Variants in VSTM2B observed in about 807,000 individuals in gnomAD.
VSTM2B encodes the protein V-set and transmembrane domain containing 2B.
Under a neutral mutation model 24.0 loss-of-function variants are expected in VSTM2B, and 24 were observed. The observed-to-expected ratio is 1.00, with a 90% CI of 0.72 to 1.40. The LOEUF is 1.40. Among genes scored for constraint, VSTM2B ranks in the 40% most tolerant of loss-of-function variants. The pLI, the probability that VSTM2B is intolerant of heterozygous loss-of-function variation, is 0.00. For synonymous variants in VSTM2B, 226 were observed against 194.4 expected (o/e 1.16, Z -1.35); for missense variants, 399 against 416.4 (o/e 0.96, Z 0.36).
intron 4 of VSTM2B, among the ~76,000 whole-genome samples, chr19:29,547,332 C>G (rs1354414271): frequency 6.6e-6 from 1 of 152,192 alleles, no homozygotes; most frequent in Non-Finnish European, 1.5e-5. Context: ...GTTTCCCCAA[C>G]TATAAAATAG....
At chr19:29,530,319 C>G (rs1006123919) in intron 4 of VSTM2B, 29 bp downstream of exon 4, 45 of 1,474,124 alleles carry the variant, frequency 3.1e-5, no homozygotes, top group Non-Finnish European at 3.4e-5. Context: ...GGGGCGCACG[C>G]GCGGGGATGG....
intron 2 of VSTM2B, among the ~76,000 whole-genome samples, chr19:29,528,184 C>A (rs1304008485): frequency 6.6e-6 from 1 of 152,160 alleles, no homozygotes; most frequent in Non-Finnish European, 1.5e-5. Context: ...ATCCAGTCTC[C>A]CCAGTTCAGC....
At position 29,530,106 on chromosome 19, in the gene VSTM2B, C is replaced by G; in HGVS notation, c.585C>G (p.Pro195=). ...AGAASRTTSE[P]GRGDKSPPPG... ...CCGCGAGCCGTACCACCTCCGAGCCCGGCCGCGGCGACAAGAGCCCGCCGC... is the reference window on the plus strand; with the variant it reads ...CCGCGAGCCGTACCACCTCCGAGCCGGGCCGCGGCGACAAGAGCCCGCCGC... The change falls in exon 4 of 5, where the codon CCC becomes CCG. Residue 195 remains proline, a synonymous_variant. Transcript: ENST00000335523. 2.8e-6 allele frequency: 4 copies of G among 1,447,878 alleles called. No individual in the cohort carries two copies. The highest frequency in any genetic ancestry group is 3.6e-6 in the Non-Finnish European group (4 of 1,109,352). The allele number at this position is 1,447,878 out of a possible 1,614,324, so 89.7% of individuals were successfully genotyped here. A position where few individuals can be genotyped will look rare whatever the true frequency, so the allele number is the denominator to read the frequency against.
intron 4 of VSTM2B, among the ~76,000 whole-genome samples, chr19:29,549,617 A>G (rs12973002): frequency 6.7e-6 from 1 of 149,464 alleles, no homozygotes; most frequent in African/African-American, 2.5e-5. Flanking sequence ...CCCCAATGCT[A>G]CCCCAGTAGA....
At chr19:29,557,927 G>A (rs1047060943) in intron 4 of VSTM2B, among the ~76,000 whole-genome samples, 1 of 151,998 alleles carries the variant, frequency 6.6e-6, no homozygotes, top group African/African-American at 2.4e-5. Flanking sequence ...TATAGAATGG[G>A]AGAAAATTTT....
chr19:29,559,463 G>T (rs938507787), intron 4 of VSTM2B, among the ~76,000 whole-genome samples: 2 of 152,158 alleles, frequency 1.3e-5, no homozygotes, highest in Non-Finnish European at 2.9e-5. Context: ...CCTATTGGGG[G>T]TTGAAAGGCT....
chr19:29,542,340 T>C (rs80181962), intron 4 of VSTM2B, among the ~76,000 whole-genome samples: 1,767 of 150,378 alleles, frequency 0.012, 31 homozygotes, highest in African/African-American at 0.041. Context: ...GGTGGATGGA[T>C]GGGAGAACGA....
intron 4 of VSTM2B, among the ~76,000 whole-genome samples, chr19:29,559,798 G>A (rs1970487893): frequency 6.6e-6 from 1 of 152,120 alleles, no homozygotes; most frequent in African/African-American, 2.4e-5. Context: ...TCTGTTTGAG[G>A]CGCTGTTGTT....
chr19:29,561,714 C>G (rs576773776), intron 4 of VSTM2B, among the ~76,000 whole-genome samples: 1 of 152,174 alleles, frequency 6.6e-6, no homozygotes, highest in Non-Finnish European at 1.5e-5. Context: ...GGAGGCAGTA[C>G]CCTGCTCTCC....
At chr19:29,528,616 T>C (rs1969645741) in intron 3 of VSTM2B, among the ~76,000 whole-genome samples, 154 bp downstream of exon 3, 1 of 152,220 alleles carries the variant, frequency 6.6e-6, no homozygotes, top group African/African-American at 2.4e-5. Flanking sequence ...GCTCGGCGTG[T>C]CCGGGCGCCA....
intron 4 of VSTM2B, among the ~76,000 whole-genome samples, chr19:29,552,750 T>C (rs1362348410): frequency 6.6e-6 from 1 of 152,172 alleles, no homozygotes; most frequent in Non-Finnish European, 1.5e-5. Flanking sequence ...ATCACTGCAG[T>C]TCCAGTCTGC....
At chr19:29,527,435 C>G in intron 2 of VSTM2B, 40 bp downstream of exon 2, 1 of 1,420,356 alleles carries the variant, frequency 7.0e-7, no homozygotes, top group Non-Finnish European at 9.1e-7. Flanking sequence ...GCGCCCGGCT[C>G]GCGCCCGGGG....
At chr19:29,560,141 C>G (rs1490540921) in intron 4 of VSTM2B, among the ~76,000 whole-genome samples, 1 of 152,152 alleles carries the variant, frequency 6.6e-6, no homozygotes, top group African/African-American at 2.4e-5. Context: ...AAACACTTTT[C>G]AGGCCTTTGC....
intron 4 of VSTM2B, among the ~76,000 whole-genome samples, chr19:29,534,516 A>G (rs1298389835): frequency 6.6e-6 from 1 of 152,118 alleles, no homozygotes; most frequent in African/African-American, 2.4e-5. Context: ...GAAGTTTGAG[A>G]CCAGCCTGGC....
At chr19:29,536,803 C>T (rs1320357793) in intron 4 of VSTM2B, among the ~76,000 whole-genome samples, 4 of 152,274 alleles carry the variant, frequency 2.6e-5, no homozygotes, top group Admixed American at 6.5e-5. Context: ...TCATTAAACA[C>T]GCCAGGTGCA....
upstream of VSTM2B, among the ~76,000 whole-genome samples, chr19:29,525,974 CCTCCCCTCCCCCT>C (rs1335810431): frequency 6.6e-6 from 1 of 151,782 alleles, no homozygotes; most frequent in Admixed American, 6.5e-5. Context: ...CCTCCCTTCC[CCTCCCCTCCCCCT>C]CTCCCCGCCT....
chr19:29,527,171 C>G, intron 1 of VSTM2B, 40 bp from the exon 2 acceptor site: 1 of 1,527,998 alleles, frequency 6.5e-7, no homozygotes, highest in East Asian at 2.5e-5. Context: ...GGCCCCCGAC[C>G]TACAGCTGGT....
intron 4 of VSTM2B, among the ~76,000 whole-genome samples, chr19:29,532,835 G>A (rs1348931333): frequency 6.6e-6 from 1 of 152,262 alleles, no homozygotes; most frequent in African/African-American, 2.4e-5. Flanking sequence ...TGAATGCCAA[G>A]TGGAACCAGC....
In VSTM2B at chr19:29,563,696, A is replaced by G. The variant is rs1274107938; in HGVS notation, c.770-150A>G. 6.3e-6 allele frequency: 4 copies of G among 638,318 alleles called. No homozygotes were observed. In the Admixed American group the frequency reaches 1.1e-4, roughly 18 times the overall value. 39.5% of individuals were successfully genotyped at this position (638,318 alleles called of 1,614,324 possible). A position where few individuals can be genotyped will look rare whatever the true frequency, so the allele number is the denominator to read the frequency against. ...CAGCAACAAAATGCTTAATCATTAA[A>G]CCAAGGCAGCCACTATGCACCAGCC... On this transcript the variant is annotated intron_variant, in intron 4 of 4. Transcript: ENST00000335523.
Sources: gnomAD v4.1 joint callset for allele counts (sites outside exome capture counted in the v4.1 genomes callset) on GRCh38, gnomAD v4.1.1 for gene constraint, MANE v1.5 for transcripts, NCBI Gene and HGNC (gene_info 2026-07-23, HGNC 2026-07-21) for gene names.